Variants in CFAP99 observed in about 807,000 individuals in gnomAD.
The protein encoded by CFAP99 is cilia and flagella associated protein 99.
In CFAP99, 84 loss-of-function variants were observed where a neutral mutation model predicts 82.7. The observed-to-expected ratio is 1.02, with a 90% confidence interval of 0.85 to 1.22. The LOEUF (loss-of-function observed/expected upper bound fraction) is 1.22. Among genes scored for constraint, CFAP99 ranks in the 50% most tolerant of loss-of-function variants. CFAP99 has a pLI of 0.00. For missense variants in CFAP99, 1,059 were observed against 983.5 expected, an observed-to-expected ratio of 1.08 and a Z score of -1.03; for synonymous variants, 456 against 429.5, an observed-to-expected ratio of 1.06 and a Z score of -0.76.
intron 1 of CFAP99, among the ~76,000 whole-genome samples, chr4:2,424,157 G>A (rs541933969): frequency 4.6e-5 from 7 of 152,364 alleles, no homozygotes; most frequent in South Asian, 2.1e-4. Context: ...GGTGGCTCAC[G>A]CCTGTAATCC....
intron 4 of CFAP99, among the ~76,000 whole-genome samples, chr4:2,442,674 A>G (rs1189097009): frequency 6.6e-6 from 1 of 152,132 alleles, no homozygotes; most frequent in African/African-American, 2.4e-5. Context: ...GCTTTCGGGA[A>G]GTTGACTGGA....
chr4:2,428,190 C>A (rs534211100), intron 2 of CFAP99: 1 of 152,578 alleles, frequency 6.6e-6, no homozygotes, highest in South Asian at 2.1e-4. Flanking sequence ...CCAAAACAGA[C>A]AATAGCGAAG....
At position 2,459,516 on chromosome 4, in the gene CFAP99, G is replaced by T. The variant is rs1031336015; in HGVS notation, c.1455+258G>T. On this transcript the variant is annotated intron_variant, in intron 13 of 14. Coordinates refer to ENST00000635017, the Ensembl canonical transcript of CFAP99. ...GGGGGTGGCCAAGGTGGGCTTCACAGAGGAGGCCACTTAGGAGCTGCCTGT... is the reference window on the plus strand; with the variant it reads ...GGGGGTGGCCAAGGTGGGCTTCACATAGGAGGCCACTTAGGAGCTGCCTGT... Among the ~76,000 whole-genome samples, 7 of 152,244 alleles carry T rather than the reference G, an allele frequency of 4.6e-5. No individual in the cohort carries two copies. In the South Asian group the frequency reaches 6.2e-4, roughly 13 times the overall value.
chr4:2,462,875 G>T lies in CFAP99; in HGVS notation c.2094G>T (p.Leu698=). The change falls in exon 15 of 15, where the codon CTG becomes CTT. Residue 698 remains leucine (L), a synonymous_variant. Transcript: ENST00000635017. The surrounding 1 kb of genome is among the most constrained non-coding windows in gnomAD (Gnocchi z 4.1). ...GCCGCGAGCGCAGGCTGCAGGCGCT[G>T]CAGCAGGGAGGCTCAGGACCCGGGC... 7.2e-7 allele frequency: 1 copy of T among 1,386,374 alleles called. No homozygotes were observed. Among genetic ancestry groups the T allele is most frequent in the Non-Finnish European group, 9.3e-7 (1 of 1,069,778 alleles). 85.9% of individuals were successfully genotyped at this position (1,386,374 alleles called of 1,614,324 possible). A position where few individuals can be genotyped will look rare whatever the true frequency, so the allele number is the denominator to read the frequency against.
intron 14 of CFAP99, among the ~76,000 whole-genome samples, chr4:2,461,454 G>A (rs556549857): frequency 1.3e-5 from 2 of 152,348 alleles, no homozygotes; most frequent in East Asian, 3.9e-4. Flanking sequence ...TGCTCTGGTT[G>A]CAATTCAGAG....
At chr4:2,436,001 A>G (rs796590891) in intron 2 of CFAP99, among the ~76,000 whole-genome samples, 1 of 145,512 alleles carries the variant, frequency 6.9e-6, no homozygotes, top group Non-Finnish European at 1.5e-5. Context: ...CCGAGGTGGG[A>G]AGGCAGCCTG....
Position 2,442,459 on chromosome 4 carries a change from G to A in CFAP99, c.352-671G>A, listed in dbSNP as rs147823804. ...CGAGGGGAGGCTGCTGGGGAGGGTG[G>A]CCACCCTGGGGAGGCACAGCAGTGA... On this transcript the variant is annotated intron_variant, in intron 4 of 14. Transcript: ENST00000635017. Among the ~76,000 whole-genome samples the A allele has an allele frequency of 4.7e-4, 72 of 152,110 alleles. 1 individual carries two copies. In the East Asian group the frequency reaches 0.013, roughly 28 times the overall value.
chr4:2,458,786 C>T (rs577825392), exon 12 of CFAP99: 10 of 1,535,930 alleles, frequency 6.5e-6, no homozygotes, highest in South Asian at 4.8e-5. Flanking sequence ...CAGGAAGGAG[C>T]TGGTGGAGCA....
At chr4:2,454,752 G>A (rs1734389452) in intron 11 of CFAP99, among the ~76,000 whole-genome samples, 1 of 151,334 alleles carries the variant, frequency 6.6e-6, no homozygotes, top group Admixed American at 6.6e-5. Context: ...CTCCTGCGTA[G>A]CCGGGACCAC....
chr4:2,450,893 G>C (rs1358403703), intron 8 of CFAP99, 54 bp from the exon 9 acceptor site: 2 of 1,454,206 alleles, frequency 1.4e-6, no homozygotes, highest in African/African-American at 1.4e-5. Context: ...ATGTGTTTGG[G>C]GGCACCCAGC....
intron 11 of CFAP99, among the ~76,000 whole-genome samples, chr4:2,452,567 G>C (rs900783081): frequency 6.6e-6 from 1 of 152,154 alleles, no homozygotes; most frequent in African/African-American, 2.4e-5. Context: ...CTTCCAGTGG[G>C]CCTCACAGTG....
At chr4:2,444,832 G>C (rs905852907) in intron 5 of CFAP99, among the ~76,000 whole-genome samples, 2 of 152,158 alleles carry the variant, frequency 1.3e-5, no homozygotes, top group African/African-American at 4.8e-5. Context: ...CTGGATTCCT[G>C]CAGCAGGGCT....
chr4:2,438,026 C>CG, intron 3 of CFAP99, 44 bp from the exon 4 acceptor site: 1 of 1,162,276 alleles, frequency 8.6e-7, no homozygotes, highest in East Asian at 2.7e-5. Flanking sequence ...GTGCCTGGTG[C>CG]CCCGTGACGT....
chr4:2,432,071 G>A (rs1733812270), intron 2 of CFAP99, among the ~76,000 whole-genome samples: 1 of 152,220 alleles, frequency 6.6e-6, no homozygotes, highest in Non-Finnish European at 1.5e-5. Context: ...GAAGCAGTCT[G>A]CAGACAGGCA....
In CFAP99 at chr4:2,450,024, A is replaced by G; in HGVS notation, c.795+19A>G. On this transcript the variant is annotated intron_variant, in intron 8 of 14. Transcript: ENST00000635017. Reference sequence around the variant, plus strand: ...AGTGCAGGTACCGCCCAGCTCTCTCAAGACCCATCATCGAGGTGCCATCTT... The same window carrying G: ...AGTGCAGGTACCGCCCAGCTCTCTCGAGACCCATCATCGAGGTGCCATCTT... The G allele has an allele frequency of 6.5e-7, 1 of 1,535,396 alleles. No homozygotes were observed. The highest frequency in any genetic ancestry group is 8.7e-7 in the Non-Finnish European group (1 of 1,146,252).
rs181367812 is a variant in CFAP99 at position 2,459,671 on chromosome 4, G to A, written c.1456-366G>A. ...AGCCCGTGTGAGAAGGCATGATGAG[G>A]GGCCAGGCCTCAGAGGAGTGCGGGG... On this transcript the variant is annotated intron_variant, in intron 13 of 14. Coordinates refer to ENST00000635017, the Ensembl canonical transcript of CFAP99. 2.2e-4 allele frequency among the ~76,000 whole-genome samples: 33 copies of A among 152,348 alleles called. No individual in the cohort carries two copies. In the East Asian group the frequency reaches 5.2e-3, roughly 24 times the overall value.
intron 2 of CFAP99, 22 bp downstream of exon 2, chr4:2,426,608 TG>T: frequency 6.8e-7 from 1 of 1,480,236 alleles, no homozygotes; most frequent in East Asian, 2.5e-5. Flanking sequence ...TGGGGGCTGC[TG>T]GGAGGCCACG....
intron 11 of CFAP99, among the ~76,000 whole-genome samples, chr4:2,452,949 C>A (rs1401239682): frequency 6.6e-6 from 1 of 152,008 alleles, no homozygotes; most frequent in Non-Finnish European, 1.5e-5. Context: ...CGTAGTGCCA[C>A]CTACTCGGGA....
At chr4:2,429,449 C>T (rs1210576585) in intron 2 of CFAP99, among the ~76,000 whole-genome samples, 2 of 152,214 alleles carry the variant, frequency 1.3e-5, no homozygotes, top group Non-Finnish European at 2.9e-5. Flanking sequence ...GAGCCTGGCA[C>T]ACCGATCCTA....
Sources: allele counts gnomAD v4.1 joint callset (sites outside exome capture counted in the v4.1 genomes callset), GRCh38; gene constraint gnomAD v4.1.1; non-coding constraint Gnocchi (gnomAD v3.1); transcripts MANE v1.5; gene names NCBI Gene and HGNC (gene_info 2026-07-23, HGNC 2026-07-21).